Variants in ALPK3 observed in about 807,000 individuals in gnomAD.
The protein encoded by ALPK3 is alpha kinase 3, also known as alpha-protein kinase 3.
In ALPK3, 102 loss-of-function variants were observed where a neutral mutation model predicts 140.0. That is an observed-to-expected ratio of 0.73 (90% CI 0.62 to 0.86). The LOEUF (loss-of-function observed/expected upper bound fraction) is 0.86. Among genes scored for constraint, ALPK3 ranks in the 40% least tolerant of loss-of-function variants. The probability of loss-of-function intolerance (pLI) is 0.00; values close to 1 mark genes in which losing one functional copy is unlikely to be tolerated. For missense variants in ALPK3, 2,254 were observed against 2,208.2 expected (o/e 1.02, Z -0.42); for synonymous variants, 938 against 898.5 (o/e 1.04, Z -0.79).
chr15:84,859,444 C>A, intron 7 of ALPK3, 54 bp downstream of exon 7: 2 of 1,602,292 alleles, frequency 1.2e-6, no homozygotes, highest in South Asian at 1.1e-5. Context: ...GCAGTAATAC[C>A]GTTGGGCACT....
At chr15:84,828,030 C>G (rs112929544) in intron 3 of ALPK3, among the ~76,000 whole-genome samples, 61 of 152,308 alleles carry the variant, frequency 4.0e-4, no homozygotes, top group Non-Finnish European at 7.3e-4. Context: ...TGACTACAGA[C>G]CCTGGAGGCA....
intron 2 of ALPK3, 108 bp from the exon 3 acceptor site, chr15:84,827,376 C>A (rs1963499672): frequency 5.3e-6 from 8 of 1,506,290 alleles, no homozygotes; most frequent in Middle Eastern, 2.2e-4. Context: ...CAGCTCTGGC[C>A]ACAGGAAGAT....
chr15:84,859,448 G>A lies in ALPK3; in HGVS notation c.3965+58G>A. 1.9e-6 allele frequency: 3 copies of A among 1,599,276 alleles called. No homozygotes were observed. In the South Asian group the frequency reaches 3.4e-5, roughly 18 times the overall value. ...GCTCCCTGATTGCAGTAATACCGTT[G>A]GGCACTGTCCTAGTGCTTTGAACCT... On this transcript the variant is annotated intron_variant, in intron 7 of 13. Coordinates refer to ENST00000258888, the MANE Select transcript of ALPK3 (RefSeq NM_020778.5).
rs763562436 is a variant in ALPK3 at position 84,862,756 on chromosome 15, G to C, written c.4251G>C (p.Gly1417=). 1 of 1,614,062 alleles carries C rather than the reference G, an allele frequency of 6.2e-7. No individual in the cohort carries two copies. The highest frequency in any genetic ancestry group is 1.7e-5 in the Admixed American group (1 of 59,998). The stretch of plus-strand genomic sequence containing the variant: ...AGGAGCTCCGAGGGGGTGGATATGG[G>C]TGTGGCCTTCGGAAGGCCTCCCAGG... The part of the protein sequence containing the change: ...VSEELRGGGY[G]CGLRKASQAK... Residue 1417 remains glycine, a synonymous_variant, in exon 10 of 14, where the codon GGG becomes GGC. Transcript: ENST00000258888.
At position 84,839,756 on chromosome 15, in the gene ALPK3, C is replaced by A. The variant is rs372095639; in HGVS notation, c.477C>A (p.Gly159=). 16 of 1,614,038 alleles carry A rather than the reference C, an allele frequency of 9.9e-6. No homozygotes were observed. Among genetic ancestry groups the A allele is most frequent in the Non-Finnish European group, 1.4e-5 (16 of 1,180,020 alleles). The change falls in exon 5 of 14, where the codon GGC becomes GGA. Residue 159 remains glycine, a synonymous_variant. Coordinates refer to ENST00000258888, the MANE Select transcript of ALPK3 (RefSeq NM_020778.5). ...IYQASAQNSK[G]IVSCSGVLEV... ...AGGCCTCTGCCCAGAACAGCAAGGG[C>A]ATTGTGTCCTGCTCAGGGGTCCTGG...
At position 84,857,350 on chromosome 15, in the gene ALPK3, C is replaced by A. The variant is rs1963877306; in HGVS notation, c.2612C>A (p.Pro871His). 2 of 1,614,178 alleles carry A rather than the reference C, an allele frequency of 1.2e-6. No homozygotes were observed. The highest frequency in any genetic ancestry group is 8.5e-7 in the Non-Finnish European group (1 of 1,180,024). Residue 871 changes from proline (P) to histidine (H), a missense_variant, in exon 6 of 14, where the codon CCT (proline) becomes CAT (histidine). Pro to His is a moderately conservative substitution (Grantham distance 77, BLOSUM62 -2). This residue lies in a region of ALPK3 where 2,088 missense variants were observed against 2,022.9 expected (regional missense o/e 1.03). Transcript: ENST00000258888. Reference protein sequence around the residue: ...SQEVPTMPSLPGTGLTASPKA... With the variant: ...SQEVPTMPSLHGTGLTASPKA... ...GAGGTACCCACGATGCCTTCTCTTC[C>A]TGGAACTGGGCTGACAGCTAGCCCA...
Position 84,857,144 on chromosome 15 carries a change from A to G in ALPK3, c.2406A>G (p.Ala802=), listed in dbSNP as rs1336661111. 3.7e-6 allele frequency: 6 copies of G among 1,613,966 alleles called. No individual in the cohort carries two copies. The highest frequency in any genetic ancestry group is 5.1e-6 in the Non-Finnish European group (6 of 1,179,966). The stretch of plus-strand genomic sequence containing the variant: ...TGTCAGGGAACCTCATGCTCCCAGC[A>G]CAGCCGCCCCATGAGGGGAGTGTGG... ...GPLSGNLMLP[A]QPPHEGSVEQ... Residue 802 remains alanine (A), a synonymous_variant, in exon 6 of 14, where the codon GCA becomes GCG. Transcript: ENST00000258888.
chr15:84,827,218 G>A (rs1316528095), intron 2 of ALPK3, among the ~76,000 whole-genome samples: 1 of 152,224 alleles, frequency 6.6e-6, no homozygotes, highest in African/African-American at 2.4e-5. Context: ...TGGGCTTGTA[G>A]ACTGGCATGC....
chr15:84,864,486 C>A lies in ALPK3; in HGVS notation c.4544C>A (p.Pro1515Gln). Residue 1515 changes from proline to glutamine, a missense_variant, in exon 12 of 14, where the codon CCA becomes CAA. Pro to Gln is a moderately conservative substitution (Grantham distance 76, BLOSUM62 -1). This residue lies in a region of ALPK3 where 2,088 missense variants were observed against 2,022.9 expected (regional missense o/e 1.03). Coordinates refer to ENST00000258888, the MANE Select transcript of ALPK3 (RefSeq NM_020778.5). ...YLIYRPANNIPYATLEEDLGK... is the reference protein window; with the variant it reads ...YLIYRPANNIQYATLEEDLGK... ...ATCTACCGGCCTGCAAACAATATCCCATATGCTACCCTGGAGGAAGACCTG... is the reference window on the plus strand; with the variant it reads ...ATCTACCGGCCTGCAAACAATATCCAATATGCTACCCTGGAGGAAGACCTG... 6.2e-7 allele frequency: 1 copy of A among 1,614,156 alleles called. No homozygotes were observed. Among genetic ancestry groups the A allele is most frequent in the South Asian group, 1.1e-5 (1 of 91,078 alleles).
At chr15:84,867,915 A>AT (rs982356395) in intron 13 of ALPK3, among the ~76,000 whole-genome samples, 196 bp from the exon 14 acceptor site, 9 of 152,024 alleles carry the variant, frequency 5.9e-5, no homozygotes, top group Non-Finnish European at 2.9e-5. Context: ...CTCTGTCTCT[A>AT]TTTTTTTAAA....
Position 84,839,702 on chromosome 15 carries a change from G to A in ALPK3, c.423G>A (p.Arg141=), listed in dbSNP as rs757945939. The A allele has an allele frequency of 1.1e-5, 18 of 1,598,466 alleles. No individual in the cohort carries two copies. In the East Asian group the frequency reaches 3.8e-4, roughly 34 times the overall value. ...TGGCACCTCCCGCTCCTACCTCTAG[G>A]TGTCGAGAAGAAGATGCCGCCATCT... ...QGNRHTLQLY[R]CREEDAAIYQ... The change falls in exon 5 of 14, where the codon AGG becomes AGA. Residue 141 remains arginine (R), a splice_region_variant and synonymous_variant. Coordinates refer to ENST00000258888, the MANE Select transcript of ALPK3 (RefSeq NM_020778.5).
rs1457334612 is a variant in ALPK3 at position 84,871,220 on chromosome 15, G to A, written c.*2764G>A. 3 of 152,470 alleles carry A rather than the reference G, an allele frequency of 2.0e-5. No individual in the cohort carries two copies. The highest frequency in any genetic ancestry group is 4.4e-5 in the Non-Finnish European group (3 of 68,050). 9.4% of individuals were successfully genotyped at this position (152,470 alleles called of 1,614,324 possible). The stretch of plus-strand genomic sequence containing the variant: ...GATGATGGACTTTTGATCTGGTGGA[G>A]GGACCCAAACCTTCAGTTCTGAAGC... On this transcript the variant is annotated 3_prime_UTR_variant, in exon 14 of 14. Coordinates refer to ENST00000258888, the MANE Select transcript of ALPK3 (RefSeq NM_020778.5).
chr15:84,854,572 C>A (rs749206618), intron 5 of ALPK3, among the ~76,000 whole-genome samples: 1 of 152,200 alleles, frequency 6.6e-6, no homozygotes, highest in Non-Finnish European at 1.5e-5. Flanking sequence ...CAGGTTTGAG[C>A]CACTGTGCCT....
chr15:84,838,600 C>CATTATTATT lies in ALPK3; in HGVS notation c.305-349_305-341dup, dbSNP rs10625181. Reference sequence around the variant, plus strand: ...GCCACGGCCTCGTGTTCTCTCCTCCCATTATTATTATTATTATTATTATTA... The same window carrying CATTATTATT: ...GCCACGGCCTCGTGTTCTCTCCTCCCATTATTATTATTATTATTATTATTATTATTATTA... On this transcript the variant is annotated intron_variant, in intron 3 of 13. Transcript: ENST00000258888. Among the ~76,000 whole-genome samples, 456 of 115,046 alleles carry CATTATTATT rather than the reference C, an allele frequency of 4.0e-3. 1 individual carries two copies. The highest frequency in any genetic ancestry group is 0.011 in the African/African-American group (312 of 29,132). 75.5% of individuals were successfully genotyped at this position (115,046 alleles called of 152,430 possible). A position where few individuals can be genotyped will look rare whatever the true frequency, so the allele number is the denominator to read the frequency against.
At position 84,823,380 on chromosome 15, in the gene ALPK3, T is replaced by C. The variant is rs754666528; in HGVS notation, c.182+12T>C. The C allele has an allele frequency of 3.7e-6, 6 of 1,614,016 alleles. No individual in the cohort carries two copies. In the South Asian group the frequency reaches 6.6e-5, roughly 18 times the overall value. ...CCCAGCTCTGGAAGGTAAATGCATA[T>C]TGCACTACATTTCTCTGACTGCTTT... On this transcript the variant is annotated intron_variant, in intron 2 of 13. Transcript: ENST00000258888.
At position 84,839,811 on chromosome 15, in the gene ALPK3, C is replaced by T. The variant is rs892109121; in HGVS notation, c.532C>T (p.His178Tyr). Residue 178 changes from histidine to tyrosine, a missense_variant, in exon 5 of 14, where the codon CAC (histidine) becomes TAC (tyrosine). Physicochemically the swap from His to Tyr is moderately conservative, Grantham distance 83. Transcript: ENST00000258888. ...EVGTMTEYKI[H>Y]QRWFAKLKRK... ...GGGCACCATGACTGAGTACAAGATC[C>T]ACCAGCGCTGGTTCGCCAAGTTGAA... 7.4e-6 allele frequency: 12 copies of T among 1,613,994 alleles called. No individual in the cohort carries two copies. Among genetic ancestry groups the T allele is most frequent in the Non-Finnish European group, 1.0e-5 (12 of 1,180,036 alleles).
At chr15:84,862,116 G>A (rs897521683) in intron 9 of ALPK3, among the ~76,000 whole-genome samples, 2 of 152,050 alleles carry the variant, frequency 1.3e-5, no homozygotes, top group African/African-American at 4.8e-5. Context: ...AGAAAGCTCT[G>A]GTTTCCCTTT....
intron 2 of ALPK3, among the ~76,000 whole-genome samples, chr15:84,823,717 T>C (rs1490545301): frequency 6.6e-6 from 1 of 152,150 alleles, no homozygotes; most frequent in East Asian, 1.9e-4. Flanking sequence ...TTCCCCATCC[T>C]AGGTTTTTTA....
In ALPK3 at chr15:84,870,201, C is replaced by A. The variant is rs544806669; in HGVS notation, c.*1745C>A. 1 of 152,072 alleles carries A rather than the reference C, an allele frequency of 6.6e-6. No homozygotes were observed. The highest frequency in any genetic ancestry group is 6.5e-5 in the Admixed American group (1 of 15,268). 9.4% of individuals were successfully genotyped at this position (152,072 alleles called of 1,614,324 possible). ...CACCCCCACCCGGAACCTCCCCTTG[C>A]CTAACATTTCCCCTCTATGGTAACA... is the stretch of plus-strand genomic sequence containing the variant. On this transcript the variant is annotated 3_prime_UTR_variant, in exon 14 of 14. Transcript: ENST00000258888.
Sources: allele counts gnomAD v4.1 joint callset (sites outside exome capture counted in the v4.1 genomes callset), GRCh38; gene constraint gnomAD v4.1.1; regional missense constraint gnomAD v4.1.1; transcripts MANE v1.5; gene names NCBI Gene and HGNC (gene_info 2026-07-23, HGNC 2026-07-21).